The following JMJD1C variants were observed in gnomAD, a reference collection of about 807,000 sequenced individuals.
JMJD1C encodes jumonji domain-containing protein 1C.
JMJD1C carries 31 observed loss-of-function variants against 245.3 expected under a neutral mutation model. The observed-to-expected ratio is 0.13, with a 90% CI of 0.09 to 0.17. The LOEUF is 0.17. Ranked by LOEUF, JMJD1C falls within the 10% of genes least tolerant of loss-of-function variation. The pLI, the probability that JMJD1C is intolerant of heterozygous loss-of-function variation, is 1.00. For synonymous variants in JMJD1C, 1,057 were observed against 1,017.4 expected, an observed-to-expected ratio of 1.04 and a Z score of -0.74; for missense variants, 2,691 against 3,000.2, an observed-to-expected ratio of 0.90 and a Z score of 2.41.
intron 1 of JMJD1C, among the ~76,000 whole-genome samples, chr10:63,504,271 A>G (rs776014360): frequency 6.6e-6 from 1 of 152,220 alleles, no homozygotes; most frequent in Non-Finnish European, 1.5e-5. Flanking sequence ...CAGAGCTCAC[A>G]TTCTAATTGG....
intron 2 of JMJD1C, among the ~76,000 whole-genome samples, chr10:63,266,823 G>C (rs1228646041): frequency 1.3e-5 from 2 of 152,122 alleles, no homozygotes; most frequent in South Asian, 2.1e-4. Context: ...AATAATACAG[G>C]TGGCTTGCAT....
At chr10:63,280,758 G>A (rs1163119268) in intron 2 of JMJD1C, among the ~76,000 whole-genome samples, 1 of 152,048 alleles carries the variant, frequency 6.6e-6, no homozygotes, top group Non-Finnish European at 1.5e-5. Context: ...GCTACCACTT[G>A]TGTATATATA....
chr10:63,459,102 A>T (rs1354090612), intron 1 of JMJD1C, among the ~76,000 whole-genome samples: 2 of 152,216 alleles, frequency 1.3e-5, no homozygotes, highest in Admixed American at 1.3e-4. Context: ...GTAATATAGC[A>T]CAGTTCCTAG....
intron 2 of JMJD1C, among the ~76,000 whole-genome samples, chr10:63,289,318 CAT>C (rs67135607): frequency 0.66 from 100,797 of 151,758 alleles, 36,067 homozygotes; most frequent in Non-Finnish European, 0.81. Context: ...ATAAGAGAAA[CAT>C]AAACATTTTT....
Position 63,206,828 on chromosome 10 carries a change from T to G in JMJD1C, c.4841A>C (p.Asn1614Thr). The change falls in exon 10 of 26, where the codon AAC becomes ACC. Residue 1614 changes from asparagine (N) to threonine (T), a missense_variant. Asn to Thr is a moderately conservative substitution (Grantham distance 65). Around this residue, in one of 9 missense-constraint regions of JMJD1C, gnomAD observed 144 missense variants for 143.3 expected, o/e 1.00. Coordinates refer to ENST00000399262, the MANE Select transcript of JMJD1C (RefSeq NM_032776.3). ...ATAAGTTCTTTTGGCTTTTCTCCTG[T>G]TGACTTTATCATCTTTTACATATTT... Reference protein sequence around the residue: ...VDKYVKDDKVNRRKAKRTYES... With the variant: ...VDKYVKDDKVTRRKAKRTYES... The G allele has an allele frequency of 1.9e-6, 3 of 1,600,234 alleles. 1 individual carries two copies. The highest frequency in any genetic ancestry group is 2.6e-6 in the Non-Finnish European group (3 of 1,176,004).
At chr10:63,269,050 C>G (rs1855973823) in intron 2 of JMJD1C, 1 of 985,298 alleles carries the variant, frequency 1.0e-6, no homozygotes, top group African/African-American at 1.7e-5. Context: ...CTACTGCATC[C>G]TCCGATCTGG....
At chr10:63,279,335 G>A (rs898692065) in intron 2 of JMJD1C, among the ~76,000 whole-genome samples, 1 of 151,932 alleles carries the variant, frequency 6.6e-6, no homozygotes, top group South Asian at 2.1e-4. Context: ...AAATGATCAA[G>A]AAAATCTGGA....
chr10:63,205,228 C>T (rs1010336932), intron 10 of JMJD1C, among the ~76,000 whole-genome samples: 1 of 152,192 alleles, frequency 6.6e-6, no homozygotes, highest in Admixed American at 6.5e-5. Flanking sequence ...CAAGCCTCCC[C>T]TTATGTTAAT....
chr10:63,191,372 G>C (rs563199127), intron 16 of JMJD1C, among the ~76,000 whole-genome samples: 205 of 152,220 alleles, frequency 1.3e-3, no homozygotes, highest in Non-Finnish European at 1.9e-3. Context: ...GACCTCAAAT[G>C]ATCTGCCCAC....
At chr10:63,218,258 T>C (rs1483536478) in intron 4 of JMJD1C, among the ~76,000 whole-genome samples, 2 of 152,130 alleles carry the variant, frequency 1.3e-5, no homozygotes, top group Non-Finnish European at 2.9e-5. Flanking sequence ...ATTTTTCTGA[T>C]ATTCCTTCTT....
intron 1 of JMJD1C, among the ~76,000 whole-genome samples, chr10:63,457,696 TA>T (rs1188963804): frequency 6.6e-6 from 1 of 152,178 alleles, no homozygotes; most frequent in East Asian, 1.9e-4. Context: ...ACATTACAGT[TA>T]AAGGGAATTT....
intron 2 of JMJD1C, among the ~76,000 whole-genome samples, chr10:63,308,277 A>G (rs1938578578): frequency 6.6e-6 from 1 of 152,172 alleles, no homozygotes; most frequent in South Asian, 2.1e-4. Flanking sequence ...TATGTAGGAG[A>G]TGGATTTCTT....
rs1211122726 is a variant in JMJD1C, at chr10:63,206,740, T to C, written c.4929A>G (p.Lys1643=). The change falls in exon 10 of 26, where the codon AAA becomes AAG. Residue 1643 remains lysine, a synonymous_variant. Transcript: ENST00000399262. ...ESESKSEQRT[K]RQPKPTYKKK... is the part of the protein sequence containing the mutation. ...TTTTGTAAGTTGGCTTAGGTTGTCT[T>C]TTAGTCCTTTGCTCTGACTTGCTTT... 1.2e-6 allele frequency: 2 copies of C among 1,613,942 alleles called. No individual in the cohort carries two copies. The highest frequency in any genetic ancestry group is 1.7e-6 in the Non-Finnish European group (2 of 1,179,972).
intron 1 of JMJD1C, among the ~76,000 whole-genome samples, chr10:63,430,800 G>A (rs1950700902): frequency 1.3e-5 from 2 of 152,202 alleles, no homozygotes; most frequent in South Asian, 4.1e-4. Flanking sequence ...CTGGAGAGCA[G>A]TGGCATGATC....
chr10:63,345,500 A>C (rs567821160), intron 2 of JMJD1C, among the ~76,000 whole-genome samples: 6 of 151,870 alleles, frequency 4.0e-5, no homozygotes, highest in South Asian at 4.1e-4. Context: ...AAAAAAAAAA[A>C]AAAAACAAAA....
intron 1 of JMJD1C, among the ~76,000 whole-genome samples, chr10:63,450,323 A>T (rs1002067708): frequency 2.6e-5 from 4 of 152,060 alleles, no homozygotes; most frequent in East Asian, 3.9e-4. Context: ...GGGGTGTAAA[A>T]AAGGATATTC....
At chr10:63,326,528 T>A in intron 2 of JMJD1C, among the ~76,000 whole-genome samples, 1 of 151,996 alleles carries the variant, frequency 6.6e-6, no homozygotes, top group Non-Finnish European at 1.5e-5. Context: ...AAGGTCCACA[T>A]CAGACTGGTG....
intron 1 of JMJD1C, among the ~76,000 whole-genome samples, chr10:63,431,804 G>C (rs926368043): frequency 1.1e-4 from 17 of 152,206 alleles, no homozygotes; most frequent in Non-Finnish European, 2.4e-4. Context: ...ACGAGGTCCA[G>C]AGATAGAGAC....
At chr10:63,212,149 T>A (rs1392768215) in intron 8 of JMJD1C, among the ~76,000 whole-genome samples, 3 of 151,850 alleles carry the variant, frequency 2.0e-5, no homozygotes, top group Non-Finnish European at 4.4e-5. Context: ...AGAAGAAAGG[T>A]GGTTGCCAAG....
Sources: allele counts gnomAD v4.1 joint callset (sites outside exome capture counted in the v4.1 genomes callset), GRCh38; gene constraint gnomAD v4.1.1; regional missense constraint gnomAD v4.1.1; transcripts MANE v1.5; gene names NCBI Gene and HGNC (gene_info 2026-07-23, HGNC 2026-07-21).